The following FOXP2 variants were observed in gnomAD, a reference collection of about 807,000 sequenced individuals.
FOXP2 encodes the protein forkhead box P2.
Under a neutral mutation model 115.8 loss-of-function variants are expected in FOXP2, and 12 were observed. The ratio of observed to expected loss-of-function variants is 0.10; its 90% CI spans 0.07 to 0.17. FOXP2 has a LOEUF of 0.17. Among genes scored for constraint, FOXP2 ranks in the 10% least tolerant of loss-of-function variants. FOXP2 has a pLI of 1.00. For synonymous variants in FOXP2, 328 were observed against 297.7 expected (o/e 1.10, Z -1.05); for missense variants, 629 against 843.5 (o/e 0.75, Z 3.15).
chr7:114,622,413 C>T (rs976888178), intron 3 of FOXP2, among the ~76,000 whole-genome samples: 4 of 151,768 alleles, frequency 2.6e-5, no homozygotes, highest in African/African-American at 4.8e-5. Flanking sequence ...GGGTTGTCAG[C>T]GAAGAATAAG....
Position 114,689,834 on chromosome 7 carries a change from C to A in FOXP2, c.2056C>A (p.Pro686Thr). ...EPVIAEDEDC[P>T]MSLVTTANHS... is the part of the protein sequence containing the mutation. ...AGTGATTGCAGAGGATGAAGACTGCCCAATGTCCTTAGTGACAACAGCTAA... is the reference window on the plus strand; with the variant it reads ...AGTGATTGCAGAGGATGAAGACTGCACAATGTCCTTAGTGACAACAGCTAA... Residue 686 changes from proline to threonine, a missense_variant, in exon 17 of 17, where the codon CCA (proline) becomes ACA (threonine). This residue lies in a region of FOXP2 where 117 missense variants were observed against 112.3 expected (regional missense o/e 1.04). Transcript: ENST00000350908. 6.2e-7 allele frequency: 1 copy of A among 1,613,422 alleles called. No homozygotes were observed. The highest frequency in any genetic ancestry group is 8.5e-7 in the Non-Finnish European group (1 of 1,179,550).
chr7:114,460,463 T>A (rs1795515332), intron 2 of FOXP2, among the ~76,000 whole-genome samples: 2 of 152,224 alleles, frequency 1.3e-5, no homozygotes, highest in Non-Finnish European at 2.9e-5. Flanking sequence ...TAGTGCAATG[T>A]AAATATGTTA....
At chr7:114,306,900 GC>G (rs1797027567) in intron 2 of FOXP2, among the ~76,000 whole-genome samples, 1 of 151,998 alleles carries the variant, frequency 6.6e-6, no homozygotes, top group African/African-American at 2.4e-5. Context: ...TCTGACATTG[GC>G]CTCCTCTGCC....
chr7:114,555,372 TTTTTCA>T (rs1440208573), intron 3 of FOXP2, among the ~76,000 whole-genome samples: 2 of 152,170 alleles, frequency 1.3e-5, no homozygotes, highest in African/African-American at 4.8e-5. Flanking sequence ...GCTGTTCAGG[TTTTTCA>T]TTTTCATTTT....
chr7:114,382,154 G>A (rs909297760), intron 2 of FOXP2, among the ~76,000 whole-genome samples: 7 of 152,186 alleles, frequency 4.6e-5, no homozygotes, highest in Non-Finnish European at 1.0e-4. Flanking sequence ...GTGACTGGCT[G>A]TCCTAGGACC....
intron 2 of FOXP2, among the ~76,000 whole-genome samples, chr7:114,330,360 C>T (rs1224030611): frequency 2.6e-5 from 4 of 151,312 alleles, no homozygotes; most frequent in African/African-American, 9.7e-5. Flanking sequence ...AGGCTGGGTA[C>T]GGTGGCTCAC....
At chr7:114,206,757 T>G (rs1271017664) in intron 1 of FOXP2, among the ~76,000 whole-genome samples, 1 of 152,250 alleles carries the variant, frequency 6.6e-6, no homozygotes, top group Admixed American at 6.5e-5. Flanking sequence ...TTTTGAGCTA[T>G]CTTACATGAC....
intron 2 of FOXP2, among the ~76,000 whole-genome samples, chr7:114,494,366 A>T (rs1797213649): frequency 1.3e-5 from 2 of 152,126 alleles, no homozygotes; most frequent in South Asian, 4.1e-4. Flanking sequence ...TTGTATGTTT[A>T]TGAGATAAAG....
chr7:114,463,228 C>A (rs1008217998), intron 2 of FOXP2: 1 of 228,712 alleles, frequency 4.4e-6, no homozygotes, highest in Non-Finnish European at 9.2e-6. Context: ...CCTGTTAAAT[C>A]AATGATTAGT....
chr7:114,499,624 T>C (rs914751361), intron 2 of FOXP2: 1 of 152,192 alleles, frequency 6.6e-6, no homozygotes, highest in Non-Finnish European at 1.5e-5. Context: ...AGCATTAAAT[T>C]TGTGGCTCAC....
At chr7:114,636,532 A>G (rs910742323) in intron 6 of FOXP2, among the ~76,000 whole-genome samples, 14 of 152,116 alleles carry the variant, frequency 9.2e-5, no homozygotes, top group African/African-American at 2.7e-4. Context: ...AATTAACAGT[A>G]TACATACTTT....
At chr7:114,201,418 T>C (rs1318449075) in intron 1 of FOXP2, among the ~76,000 whole-genome samples, 1 of 152,096 alleles carries the variant, frequency 6.6e-6, no homozygotes, top group Non-Finnish European at 1.5e-5. Flanking sequence ...GCTATGTTCA[T>C]TCCACAACAT....
chr7:114,087,552 G>A (rs1284538712), upstream of FOXP2, among the ~76,000 whole-genome samples: 1 of 151,228 alleles, frequency 6.6e-6, no homozygotes, highest in Non-Finnish European at 1.5e-5. Flanking sequence ...AGTCCACAGT[G>A]GCCCCGGCGG....
At chr7:114,431,641 A>G (rs1794118533) in intron 2 of FOXP2, among the ~76,000 whole-genome samples, 1 of 151,780 alleles carries the variant, frequency 6.6e-6, no homozygotes, top group South Asian at 2.1e-4. Flanking sequence ...ATTTATTGTA[A>G]TTTGTATTTT....
chr7:114,503,956 A>G (rs955613473), intron 2 of FOXP2, among the ~76,000 whole-genome samples: 1 of 151,614 alleles, frequency 6.6e-6, no homozygotes, highest in Admixed American at 6.6e-5. Flanking sequence ...AAGACCATAT[A>G]TTTCTAACAA....
At chr7:114,361,111 T>C (rs1442299154) in intron 2 of FOXP2, among the ~76,000 whole-genome samples, 1 of 152,152 alleles carries the variant, frequency 6.6e-6, no homozygotes, top group Non-Finnish European at 1.5e-5. Context: ...AAAGCAATGG[T>C]TTGATTTCAG....
At chr7:114,271,623 A>T (rs1043027704) in intron 1 of FOXP2, among the ~76,000 whole-genome samples, 1 of 122,194 alleles carries the variant, frequency 8.2e-6, no homozygotes, top group East Asian at 2.2e-4. Context: ...ATAAATAATT[A>T]TATTATTAAT....
At position 114,691,189 on chromosome 7, in the gene FOXP2, T is replaced by G. The variant is rs1319000109; in HGVS notation, c.*1263T>G. 1 of 454,078 alleles carries G rather than the reference T, an allele frequency of 2.2e-6. No homozygotes were observed. The highest frequency in any genetic ancestry group is 6.9e-5 in the East Asian group (1 of 14,394). The allele number at this position is 454,078 out of a possible 1,614,324, so 28.1% of individuals were successfully genotyped here. ...TCATTCAGTCAGTTATTTTCAGTGG[T>G]GAATACATGTTGTTAGAAGATGTCT... On this transcript the variant is annotated 3_prime_UTR_variant, in exon 17 of 17. Coordinates refer to ENST00000350908, the MANE Select transcript of FOXP2 (RefSeq NM_014491.4).
intron 1 of FOXP2, among the ~76,000 whole-genome samples, chr7:114,276,968 A>T (rs1405251457): frequency 6.6e-6 from 1 of 152,208 alleles, no homozygotes; most frequent in Non-Finnish European, 1.5e-5. Context: ...AAGTAAAAAT[A>T]TATAGTGGAG....
Sources: allele counts gnomAD v4.1 joint callset (sites outside exome capture counted in the v4.1 genomes callset), GRCh38; gene constraint gnomAD v4.1.1; regional missense constraint gnomAD v4.1.1; transcripts MANE v1.5; gene names NCBI Gene and HGNC (gene_info 2026-07-23, HGNC 2026-07-21).